Variants in CCSER1 observed in about 807,000 individuals in gnomAD.
CCSER1 encodes coiled-coil serine rich protein 1, also known as serine-rich coiled-coil domain-containing protein 1.
CCSER1 carries 41 observed loss-of-function variants against 82.0 expected under a neutral mutation model. The observed-to-expected ratio is 0.50, with a 90% confidence interval of 0.39 to 0.65. The LOEUF (loss-of-function observed/expected upper bound fraction) is 0.65, where lower values mean the gene tolerates loss of function less well. CCSER1 is among the 30% of genes least tolerant of loss of function. The pLI is 0.00. For synonymous variants in CCSER1, 414 were observed against 383.9 expected (o/e 1.08, Z -0.92); for missense variants, 1,119 against 1,064.2 (o/e 1.05, Z -0.72).
chr4:90,857,717 G>A (rs1561258329), intron 8 of CCSER1, among the ~76,000 whole-genome samples: 1 of 151,878 alleles, frequency 6.6e-6, no homozygotes, highest in Admixed American at 6.6e-5. Context: ...TTCTATGCTG[G>A]GTCTAACATG....
intron 1 of CCSER1, among the ~76,000 whole-genome samples, chr4:90,276,472 G>C (rs897421097): frequency 6.8e-6 from 1 of 147,122 alleles, no homozygotes; most frequent in African/African-American, 2.6e-5. Flanking sequence ...TCAGCCTCCT[G>C]AGTAGCTGGG....
At chr4:91,461,544 C>T (rs749005810) in intron 10 of CCSER1, among the ~76,000 whole-genome samples, 27 of 152,088 alleles carry the variant, frequency 1.8e-4, no homozygotes, top group Non-Finnish European at 2.9e-4. Context: ...CTTACCAGGA[C>T]GTCCTTTTAT....
intron 10 of CCSER1, among the ~76,000 whole-genome samples, chr4:91,451,834 G>A (rs1174806289): frequency 6.6e-6 from 1 of 151,938 alleles, no homozygotes; most frequent in African/African-American, 2.4e-5. Flanking sequence ...AAGTAAAAAT[G>A]CAAAGTCCCA....
At chr4:91,526,433 C>A (rs1001428073) in intron 10 of CCSER1, among the ~76,000 whole-genome samples, 1 of 152,130 alleles carries the variant, frequency 6.6e-6, no homozygotes, top group Non-Finnish European at 1.5e-5. Flanking sequence ...TGCACCCTGA[C>A]CACCCTGGGG....
intron 5 of CCSER1, among the ~76,000 whole-genome samples, chr4:90,532,751 T>C (rs1003158712): frequency 6.6e-6 from 1 of 152,176 alleles, no homozygotes; most frequent in Non-Finnish European, 1.5e-5. Flanking sequence ...AGGAAATTAG[T>C]TTTACATTTC....
rs1346250025 is a variant in CCSER1 at position 91,085,986 on chromosome 4, G to C, written c.2209G>C (p.Gly737Arg). ...NLKRLETVQG[G>R]REATYRNRIV... is the part of the protein sequence containing the mutation. ...GAAAAGACTAGAGACAGTACAAGGA[G>C]GGAGAGAGGTAAGAATGTTTAAAGA... is the stretch of plus-strand genomic sequence containing the variant. The change falls in exon 10 of 11, where the codon GGG becomes CGG. Residue 737 changes from glycine to arginine, a missense_variant. By Grantham distance (125) the Gly-to-Arg change is moderately radical. Transcript: ENST00000509176. 1 of 1,529,088 alleles carries C rather than the reference G, an allele frequency of 6.5e-7. No individual in the cohort carries two copies. The highest frequency in any genetic ancestry group is 8.9e-7 in the Non-Finnish European group (1 of 1,126,854). 94.7% of individuals were successfully genotyped at this position (1,529,088 alleles called of 1,614,324 possible). A position where few individuals can be genotyped will look rare whatever the true frequency, so the allele number is the denominator to read the frequency against.
intron 1 of CCSER1, among the ~76,000 whole-genome samples, chr4:90,140,817 A>G (rs941486920): frequency 1.3e-5 from 2 of 151,510 alleles, no homozygotes; most frequent in Non-Finnish European, 2.9e-5. Flanking sequence ...GGCATGCGCC[A>G]CCAAGCCCGG....
At chr4:90,697,477 A>G (rs1008251041) in intron 6 of CCSER1, among the ~76,000 whole-genome samples, 3 of 152,116 alleles carry the variant, frequency 2.0e-5, no homozygotes, top group Admixed American at 6.6e-5. Flanking sequence ...ACAAAAATAA[A>G]CCATTCTTTG....
At chr4:90,516,653 A>G (rs770273181) in intron 5 of CCSER1, among the ~76,000 whole-genome samples, 34 of 152,340 alleles carry the variant, frequency 2.2e-4, no homozygotes, top group Non-Finnish European at 4.9e-4. Context: ...CACAAAGGGA[A>G]AGGGTATGAG....
At chr4:91,274,136 A>T (rs944817651) in intron 10 of CCSER1, among the ~76,000 whole-genome samples, 1 of 152,192 alleles carries the variant, frequency 6.6e-6, no homozygotes, top group African/African-American at 2.4e-5. Flanking sequence ...CTTATTAAAA[A>T]ATAAATTTGG....
chr4:91,218,612 C>A (rs949295782), intron 10 of CCSER1, among the ~76,000 whole-genome samples: 1 of 152,210 alleles, frequency 6.6e-6, no homozygotes, highest in Non-Finnish European at 1.5e-5. Context: ...CACTAGTGTA[C>A]TTTGAGGAAA....
intron 3 of CCSER1, among the ~76,000 whole-genome samples, chr4:90,354,130 T>A (rs1448803182): frequency 2.0e-5 from 3 of 152,194 alleles, no homozygotes; most frequent in African/African-American, 7.2e-5. Context: ...AAAGAAGGAA[T>A]TCTGCCATTT....
At chr4:90,519,654 C>G (rs1772811058) in intron 5 of CCSER1, among the ~76,000 whole-genome samples, 1 of 151,962 alleles carries the variant, frequency 6.6e-6, no homozygotes, top group Non-Finnish European at 1.5e-5. Flanking sequence ...TGTAACTCCA[C>G]TAATAGTAAT....
At chr4:90,405,768 A>G (rs1233572573) in intron 4 of CCSER1, among the ~76,000 whole-genome samples, 1 of 152,206 alleles carries the variant, frequency 6.6e-6, no homozygotes, top group African/African-American at 2.4e-5. Flanking sequence ...ACTAAGCTTC[A>G]TAAATGAAGG....
chr4:91,559,971 CAAT>C (rs1762579184), intron 10 of CCSER1, among the ~76,000 whole-genome samples: 1 of 151,182 alleles, frequency 6.6e-6, no homozygotes, highest in African/African-American at 2.4e-5. Context: ...CAAATTTTGA[CAAT>C]ATTACTTTTT....
chr4:91,444,899 C>G (rs1385837871), intron 10 of CCSER1, among the ~76,000 whole-genome samples: 1 of 152,188 alleles, frequency 6.6e-6, no homozygotes, highest in Admixed American at 6.5e-5. Flanking sequence ...ATTCAGTGGC[C>G]TTCCTCACAC....
chr4:91,052,528 C>G (rs1743096701), intron 9 of CCSER1, among the ~76,000 whole-genome samples: 1 of 152,090 alleles, frequency 6.6e-6, no homozygotes, highest in Admixed American at 6.6e-5. Context: ...CAACTGAACA[C>G]TTTGCATCCT....
Position 90,485,358 on chromosome 4 carries a change from G to A in CCSER1, c.1724+17004G>A, listed in dbSNP as rs190958750. Among the ~76,000 whole-genome samples the A allele has an allele frequency of 2.5e-3, 378 of 152,212 alleles. 4 individuals carry two copies. The highest frequency in any genetic ancestry group is 7.6e-3 in the African/African-American group (315 of 41,554). On this transcript the variant is annotated intron_variant, in intron 5 of 10. Transcript: ENST00000509176. ...GATGCCTCGCTCTGCTTCGGTTCACGCACGGTGCGCTGCACCCACTGTCCT... is the reference window on the plus strand; with the variant it reads ...GATGCCTCGCTCTGCTTCGGTTCACACACGGTGCGCTGCACCCACTGTCCT...
intron 10 of CCSER1, among the ~76,000 whole-genome samples, chr4:91,157,604 A>C (rs1730939695): frequency 6.6e-6 from 1 of 152,154 alleles, no homozygotes; most frequent in African/African-American, 2.4e-5. Context: ...AGTATGCTTC[A>C]TGTATATTTA....
Sources: gnomAD v4.1 joint callset for allele counts (sites outside exome capture counted in the v4.1 genomes callset) on GRCh38, gnomAD v4.1.1 for gene constraint, MANE v1.5 for transcripts, NCBI Gene and HGNC (gene_info 2026-07-23, HGNC 2026-07-21) for gene names.